Variants in POU2F1 observed in about 807,000 individuals in gnomAD.
POU2F1 encodes POU domain, class 2, transcription factor 1.
A neutral mutation model predicts 84.9 loss-of-function variants in POU2F1; 16 were observed. The observed-to-expected ratio is 0.19, with a 90% CI of 0.13 to 0.29. The LOEUF is 0.29. Ranked by LOEUF, POU2F1 falls within the 10% of genes least tolerant of loss-of-function variation. The pLI is 1.00. For missense variants in POU2F1, 738 were observed against 942.6 expected (o/e 0.78, Z 2.84); for synonymous variants, 368 against 368.3 (o/e 1.00, Z 0.01).
chr1:167,413,596 T>G (rs965231246), intron 15 of POU2F1, among the ~76,000 whole-genome samples: 16 of 152,202 alleles, frequency 1.1e-4, no homozygotes, highest in Non-Finnish European at 4.4e-5. Context: ...TCAGGAGTGC[T>G]TTTAATTCTC....
chr1:167,266,718 G>A (rs1651988310), intron 1 of POU2F1, among the ~76,000 whole-genome samples: 1 of 151,572 alleles, frequency 6.6e-6, no homozygotes, highest in African/African-American at 2.4e-5. Context: ...CCACCTGCTG[G>A]GTTCAAGCGG....
chr1:167,339,013 G>GT (rs1395490008), intron 2 of POU2F1, among the ~76,000 whole-genome samples: 1 of 152,124 alleles, frequency 6.6e-6, no homozygotes, highest in Admixed American at 6.5e-5. Context: ...TGAGAGTGTT[G>GT]TAAGTGCTTT....
intron 1 of POU2F1, among the ~76,000 whole-genome samples, chr1:167,325,964 A>G (rs1358326916): frequency 2.6e-5 from 4 of 151,978 alleles, no homozygotes; most frequent in East Asian, 3.9e-4. Flanking sequence ...CTTTTAGAAA[A>G]TAAAAAAAGG....
At chr1:167,372,097 A>G in intron 5 of POU2F1, 61 bp downstream of exon 5, 9 of 1,563,846 alleles carry the variant, frequency 5.8e-6, no homozygotes, top group Non-Finnish European at 6.9e-6. Context: ...CCATTGGCCA[A>G]TAGCTGATTA....
chr1:167,384,009 G>A, intron 8 of POU2F1, 58 bp downstream of exon 8: 1 of 1,365,754 alleles, frequency 7.3e-7, no homozygotes. Flanking sequence ...GGAGACTTTT[G>A]GACTTTATTT....
chr1:167,244,143 T>A (rs560999116), intron 1 of POU2F1, among the ~76,000 whole-genome samples: 56 of 152,310 alleles, frequency 3.7e-4, no homozygotes, highest in Middle Eastern at 3.4e-3. Flanking sequence ...GAATATGGAC[T>A]CAGGAACTTT....
intron 1 of POU2F1, among the ~76,000 whole-genome samples, chr1:167,314,465 AT>A (rs1655735970): frequency 1.3e-5 from 2 of 152,282 alleles, no homozygotes; most frequent in Admixed American, 6.5e-5. Context: ...ATTCTGAAAA[AT>A]ATCTGACAAT....
At chr1:167,392,670 G>C (rs1451722976) in intron 9 of POU2F1, among the ~76,000 whole-genome samples, 1 of 152,126 alleles carries the variant, frequency 6.6e-6, no homozygotes, top group African/African-American at 2.4e-5. Context: ...CCTATGGTCT[G>C]GTGTTTTGTT....
At chr1:167,250,178 T>C (rs1189293034) in intron 1 of POU2F1, among the ~76,000 whole-genome samples, 1 of 152,152 alleles carries the variant, frequency 6.6e-6, no homozygotes, top group African/African-American at 2.4e-5. Context: ...GGCATTTTCC[T>C]TCCGGAAAAT....
chr1:167,408,542 T>C (rs1420344567), intron 13 of POU2F1, among the ~76,000 whole-genome samples: 1 of 152,154 alleles, frequency 6.6e-6, no homozygotes, highest in Admixed American at 6.5e-5. Context: ...ATTAATGAGG[T>C]GTTGATTCGT....
At chr1:167,382,158 C>T (rs1647614612) in intron 7 of POU2F1, among the ~76,000 whole-genome samples, 1 of 152,066 alleles carries the variant, frequency 6.6e-6, no homozygotes, top group Non-Finnish European at 1.5e-5. Context: ...TAAGAGACGT[C>T]AAATAGTAAA....
intron 13 of POU2F1, among the ~76,000 whole-genome samples, chr1:167,411,333 C>T (rs1469723708): frequency 1.3e-5 from 2 of 152,096 alleles, no homozygotes; most frequent in East Asian, 1.9e-4. Flanking sequence ...CCACCATACC[C>T]GGCCTACAAA....
chr1:167,298,807 T>C (rs1250135675), intron 1 of POU2F1, among the ~76,000 whole-genome samples: 1 of 152,212 alleles, frequency 6.6e-6, no homozygotes, highest in Non-Finnish European at 1.5e-5. Context: ...ATTAAATCTG[T>C]GTGTCTCTGG....
At chr1:167,245,457 A>G (rs577544989) in intron 1 of POU2F1, among the ~76,000 whole-genome samples, 2 of 137,692 alleles carry the variant, frequency 1.5e-5, no homozygotes, top group African/African-American at 5.5e-5. Flanking sequence ...CTTGTTCCCC[A>G]GGCTGGAGTG....
intron 1 of POU2F1, among the ~76,000 whole-genome samples, chr1:167,246,420 A>G (rs565555928): frequency 5.9e-5 from 9 of 152,302 alleles, no homozygotes; most frequent in South Asian, 4.1e-4. Context: ...TTAATCTTCT[A>G]TATTGTTCCT....
chr1:167,383,818 A>G lies in POU2F1; in HGVS notation c.719-39A>G, dbSNP rs1235511959. The G allele has an allele frequency of 2.6e-6, 4 of 1,536,732 alleles. No homozygotes were observed. The South Asian group carries it at 4.7e-5, about 18-fold the overall frequency. On this transcript the variant is annotated intron_variant, in intron 7 of 15. Transcript: ENST00000367866. ...TTTCTTTTGCCATGTGTTCGAAGAA[A>G]TCTTTAATGTTTCTGGATAACATGT...
At chr1:167,327,829 C>T (rs545592474) in intron 1 of POU2F1, among the ~76,000 whole-genome samples, 234 of 152,160 alleles carry the variant, frequency 1.5e-3, no homozygotes, top group Non-Finnish European at 2.2e-3. Flanking sequence ...ATCCTGATTC[C>T]GAATTACTAG....
intron 1 of POU2F1, among the ~76,000 whole-genome samples, chr1:167,267,402 A>C (rs1652041486): frequency 6.6e-6 from 1 of 151,930 alleles, no homozygotes; most frequent in South Asian, 2.1e-4. Flanking sequence ...AGGAAAAAAA[A>C]ACTAAAACCG....
chr1:167,329,653 A>G (rs534156561), intron 1 of POU2F1, among the ~76,000 whole-genome samples: 3 of 152,288 alleles, frequency 2.0e-5, no homozygotes, highest in African/African-American at 4.8e-5. Context: ...AGAACTGTAC[A>G]TATATAATAT....
Sources: gnomAD v4.1 joint callset for allele counts (sites outside exome capture counted in the v4.1 genomes callset) on GRCh38, gnomAD v4.1.1 for gene constraint, MANE v1.5 for transcripts, NCBI Gene and HGNC (gene_info 2026-07-23, HGNC 2026-07-21) for gene names.